HERC1: variants seen among roughly 807,000 people sequenced by gnomAD.
HERC1 encodes HECT and RLD domain containing E3 ubiquitin protein ligase family member 1.
In HERC1, 160 loss-of-function variants were observed where a neutral mutation model predicts 554.3. That is an observed-to-expected ratio of 0.29 (90% CI 0.25 to 0.33). The LOEUF (loss-of-function observed/expected upper bound fraction) is 0.33, where lower values mean the gene tolerates loss of function less well. Among genes scored for constraint, HERC1 ranks in the 10% least tolerant of loss-of-function variants. The pLI, the probability that HERC1 is intolerant of heterozygous loss-of-function variation, is 1.00. For synonymous variants in HERC1, 2,175 were observed against 2,131.7 expected, an observed-to-expected ratio of 1.02 and a Z score of -0.56; for missense variants, 4,919 against 5,918.5, an observed-to-expected ratio of 0.83 and a Z score of 5.54.
At chr15:63,829,897 A>C (rs1039031633) in intron 1 of HERC1, among the ~76,000 whole-genome samples, 99 of 152,256 alleles carry the variant, frequency 6.5e-4, no homozygotes, top group African/African-American at 2.1e-3. Flanking sequence ...ATAGTATTGG[A>C]TTATAATCCA....
chr15:63,714,580 C>T (rs1247492598), intron 22 of HERC1, among the ~76,000 whole-genome samples: 2 of 120,918 alleles, frequency 1.7e-5, no homozygotes, highest in African/African-American at 3.2e-5. Flanking sequence ...GATGGAGTCT[C>T]ACTCTGTCGC....
Position 63,628,838 on chromosome 15 carries a change from C to T in HERC1, c.12967-23G>A, listed in dbSNP as rs755356608. 13 of 1,603,112 alleles carry T rather than the reference C, an allele frequency of 8.1e-6. No homozygotes were observed. The Admixed American group carries it at 8.6e-5, about 11-fold the overall frequency. ...GAGCTGGGAATAAATCACAAATATA[C>T]AGACATTCAATTAGAAAGAGGAAGA... On this transcript the variant is annotated intron_variant, in intron 69 of 77. Coordinates refer to ENST00000443617, the MANE Select transcript of HERC1 (RefSeq NM_003922.4).
chr15:63,671,591 A>C (rs533516276), intron 39 of HERC1, among the ~76,000 whole-genome samples: 1 of 152,156 alleles, frequency 6.6e-6, no homozygotes, highest in Non-Finnish European at 1.5e-5. Context: ...TATCAGAATC[A>C]CTAGAGAAAC....
intron 2 of HERC1, 34 bp downstream of exon 2, chr15:63,774,660 T>C (rs766318491): frequency 2.8e-5 from 42 of 1,485,700 alleles, no homozygotes; most frequent in Non-Finnish European, 3.7e-5. Flanking sequence ...CAAAAACTAT[T>C]ATGAACTTTA....
chr15:63,756,771 A>G lies in HERC1; in HGVS notation c.1222-23T>C, dbSNP rs1317588576. ...AATCTATAAACAAAGAATCATAAATATAAAATACTTCTGTGAGTATCAAAG... is the reference window on the plus strand; with the variant it reads ...AATCTATAAACAAAGAATCATAAATGTAAAATACTTCTGTGAGTATCAAAG... On this transcript the variant is annotated intron_variant, in intron 4 of 77. Coordinates refer to ENST00000443617, the MANE Select transcript of HERC1 (RefSeq NM_003922.4). This position sits in a 1 kb window ranked among gnomAD's most constrained non-coding sequence, Gnocchi z 5.0. 6.9e-7 allele frequency: 1 copy of G among 1,441,324 alleles called. No individual in the cohort carries two copies. Among genetic ancestry groups the G allele is most frequent in the Non-Finnish European group, 9.4e-7 (1 of 1,066,624 alleles). The allele number at this position is 1,441,324 out of a possible 1,614,324, so 89.3% of individuals were successfully genotyped here.
intron 1 of HERC1, among the ~76,000 whole-genome samples, chr15:63,822,110 T>G (rs2077722321): frequency 6.6e-6 from 1 of 151,990 alleles, no homozygotes; most frequent in Admixed American, 6.6e-5. Flanking sequence ...GTGCAAAAAC[T>G]TGAGGAAAGG....
chr15:63,729,498 T>C lies in HERC1; in HGVS notation c.3020A>G (p.Glu1007Gly). 1.9e-6 allele frequency: 3 copies of C among 1,613,244 alleles called. No individual in the cohort carries two copies. The highest frequency in any genetic ancestry group is 2.5e-6 in the Non-Finnish European group (3 of 1,179,258). Residue 1007 changes from glutamate (E) to glycine (G), a missense_variant and splice_region_variant, in exon 15 of 78, where the codon GAG becomes GGG. Physicochemically the swap from Glu to Gly is moderately conservative, Grantham distance 98. Around this residue, in one of 11 missense-constraint regions of HERC1, gnomAD observed 1,121 missense variants for 1,244.0 expected, o/e 0.90. Transcript: ENST00000443617. ...CATAAAAGACAAATAATCGCATACC[T>C]CACTAATGTTATTGATATGGCAAAA... The part of the protein sequence containing the change: ...LAFCHINNIS[E>G]NSSSVALLHK...
chr15:63,773,537 TTTA>T (rs2076014623), intron 2 of HERC1, among the ~76,000 whole-genome samples: 1 of 151,836 alleles, frequency 6.6e-6, no homozygotes, highest in Middle Eastern at 3.2e-3. Flanking sequence ...AAATTTGTAT[TTTA>T]TTTTTTTTTA....
At chr15:63,784,054 G>C (rs2076366204) in intron 1 of HERC1, among the ~76,000 whole-genome samples, 1 of 139,558 alleles carries the variant, frequency 7.2e-6, no homozygotes, top group Admixed American at 7.2e-5. Flanking sequence ...GACACAGGAA[G>C]ACTCTATCTC....
chr15:63,782,048 A>G (rs959195692), intron 1 of HERC1, among the ~76,000 whole-genome samples: 9 of 152,228 alleles, frequency 5.9e-5, no homozygotes, highest in Admixed American at 1.3e-4. Context: ...AGGCTTAAGG[A>G]AAGAACCTGT....
chr15:63,678,889 T>G (rs193152745), intron 36 of HERC1, among the ~76,000 whole-genome samples: 1 of 152,330 alleles, frequency 6.6e-6, no homozygotes, highest in Admixed American at 6.5e-5. Flanking sequence ...TCATTCTAAG[T>G]CTTAGCTTTT....
At position 63,729,296 on chromosome 15, in the gene HERC1, G is replaced by C. The variant is rs746594036; in HGVS notation, c.3094C>G (p.Arg1032Gly). The part of the protein sequence containing the change: ...LLPHATDIYS[R>G]SANLLKESPW... ...CTTTCTTTGAGCAAATTTGCAGAAC[G>C]TGAATAAATATCTGTGGCATGAGGC... is the stretch of plus-strand genomic sequence containing the variant. Residue 1032 changes from arginine to glycine, a missense_variant, in exon 16 of 78, where the codon CGT becomes GGT. By Grantham distance (125) the Arg-to-Gly change is moderately radical. Around this residue, in one of 11 missense-constraint regions of HERC1, gnomAD observed 1,121 missense variants for 1,244.0 expected, o/e 0.90. Transcript: ENST00000443617. 6.2e-7 allele frequency: 1 copy of C among 1,611,578 alleles called. No individual in the cohort carries two copies. Among genetic ancestry groups the C allele is most frequent in the South Asian group, 1.1e-5 (1 of 90,458 alleles).
intron 77 of HERC1, among the ~76,000 whole-genome samples, chr15:63,611,228 A>G (rs2067574444): frequency 6.6e-6 from 1 of 152,240 alleles, no homozygotes; most frequent in African/African-American, 2.4e-5. Flanking sequence ...AAGACGTCAC[A>G]TCAGAAAGTG....
intron 1 of HERC1, among the ~76,000 whole-genome samples, chr15:63,813,361 T>C (rs1264363845): frequency 1.4e-5 from 2 of 147,640 alleles, no homozygotes; most frequent in Non-Finnish European, 3.0e-5. Flanking sequence ...AACTCGTAAG[T>C]ACACACACTA....
At chr15:63,624,073 G>C (rs2068199358) in intron 72 of HERC1, 85 bp downstream of exon 72, 7 of 1,384,212 alleles carry the variant, frequency 5.1e-6, no homozygotes, top group Non-Finnish European at 7.0e-6. Context: ...TTAGAAGTGA[G>C]GAAACCAAGA....
At chr15:63,624,372 T>A in intron 71 of HERC1, 45 bp from the exon 72 acceptor site, 2 of 1,489,264 alleles carry the variant, frequency 1.3e-6, no homozygotes, top group Non-Finnish European at 1.8e-6. Context: ...AATCTAGGCT[T>A]AAAAGAAATA....
At position 63,644,519 on chromosome 15, in the gene HERC1, C is replaced by T. The variant is rs145731421; in HGVS notation, c.11184+473G>A. ...TCTTTGTTTTTTTTTTCTGTTTTTG[C>T]TTTTTACCCTCTCCAAACCTTCTAA... On this transcript the variant is annotated intron_variant, in intron 57 of 77. Transcript: ENST00000443617. Among the ~76,000 whole-genome samples, 1,178 of 150,948 alleles carry T rather than the reference C, an allele frequency of 7.8e-3. 11 individuals are homozygous for T. Among genetic ancestry groups the T allele is most frequent in the African/African-American group, 0.026 (1,046 of 41,008 alleles).
intron 1 of HERC1, among the ~76,000 whole-genome samples, chr15:63,781,790 T>C (rs974539466): frequency 1.3e-5 from 2 of 152,122 alleles, no homozygotes; most frequent in African/African-American, 4.8e-5. Context: ...CAAGTTGCAA[T>C]ACAAAGGGAA....
chr15:63,663,456 T>C (rs1381852068), intron 43 of HERC1, among the ~76,000 whole-genome samples: 3 of 152,170 alleles, frequency 2.0e-5, no homozygotes, highest in Non-Finnish European at 1.5e-5. Flanking sequence ...CTTTATAATG[T>C]TTTTGTTGCT....
Sources: gnomAD v4.1 joint callset for allele counts (sites outside exome capture counted in the v4.1 genomes callset) on GRCh38, gnomAD v4.1.1 for gene constraint, gnomAD v4.1.1 regional missense constraint, Gnocchi (gnomAD v3.1) non-coding constraint, MANE v1.5 for transcripts, NCBI Gene and HGNC (gene_info 2026-07-23, HGNC 2026-07-21) for gene names.